The following NTRK3 variants were observed in gnomAD, a reference collection of about 807,000 sequenced individuals.
NTRK3 encodes the protein neurotrophic receptor tyrosine kinase 3, also known as NT-3 growth factor receptor.
In NTRK3, 24 loss-of-function variants were observed where a neutral mutation model predicts 91.7. The ratio of observed to expected loss-of-function variants is 0.26; its 90% CI spans 0.19 to 0.37. The LOEUF (loss-of-function observed/expected upper bound fraction) is 0.37. Ranked by LOEUF, NTRK3 falls within the 10% of genes least tolerant of loss-of-function variation. NTRK3 has a pLI of 1.00. For synonymous variants in NTRK3, 483 were observed against 404.0 expected, an observed-to-expected ratio of 1.20 and a Z score of -2.34; for missense variants, 880 against 1,068.9, an observed-to-expected ratio of 0.82 and a Z score of 2.46.
chr15:88,229,892 CG>C (rs1332552523), intron 3 of NTRK3, among the ~76,000 whole-genome samples: 1 of 152,238 alleles, frequency 6.6e-6, no homozygotes, highest in Non-Finnish European at 1.5e-5. Flanking sequence ...ACATTTGTTC[CG>C]GCTTGGAAAA....
At chr15:88,140,867 A>T (rs1434896719) in intron 6 of NTRK3, among the ~76,000 whole-genome samples, 1 of 152,192 alleles carries the variant, frequency 6.6e-6, no homozygotes, top group East Asian at 1.9e-4. Context: ...GGAGTGGGAA[A>T]AACTGGAGAG....
intron 13 of NTRK3, among the ~76,000 whole-genome samples, chr15:88,095,372 G>A (rs1375890575): frequency 6.6e-6 from 1 of 152,172 alleles, no homozygotes; most frequent in Non-Finnish European, 1.5e-5. Flanking sequence ...TTCTGAACTG[G>A]ATGACCCAAC....
chr15:88,083,813 A>T (rs879910024), intron 13 of NTRK3, among the ~76,000 whole-genome samples: 4 of 152,088 alleles, frequency 2.6e-5, no homozygotes, highest in Non-Finnish European at 5.9e-5. Flanking sequence ...ACAAGAAGGA[A>T]CCTAAGACTT....
intron 12 of NTRK3, among the ~76,000 whole-genome samples, chr15:88,126,844 A>G (rs537403729): frequency 7.2e-4 from 110 of 152,278 alleles, no homozygotes; most frequent in Middle Eastern, 3.4e-3. Context: ...ACACCCAAGG[A>G]GATGCCTTGA....
At chr15:87,861,767 A>T (rs925800013) in exon 19 of NTRK3, 2 of 196,066 alleles carry the variant, frequency 1.0e-5, no homozygotes, top group African/African-American at 2.3e-5. Context: ...AATTTTAGGA[A>T]TTTTTTCAGA....
intron 13 of NTRK3, among the ~76,000 whole-genome samples, chr15:88,040,136 T>A (rs148513883): frequency 6.6e-6 from 1 of 152,248 alleles, no homozygotes; most frequent in Non-Finnish European, 1.5e-5. Context: ...GGTCTTTGAA[T>A]AAATTTTGCT....
intron 17 of NTRK3, among the ~76,000 whole-genome samples, chr15:87,919,341 G>A (rs1205969799): frequency 3.3e-5 from 5 of 152,140 alleles, no homozygotes; most frequent in Non-Finnish European, 7.3e-5. Flanking sequence ...TCAGGCCACT[G>A]CAGGGAGAAT....
chr15:88,119,897 C>T (rs2151050726), intron 13 of NTRK3, among the ~76,000 whole-genome samples: 1 of 152,320 alleles, frequency 6.6e-6, no homozygotes, highest in East Asian at 1.9e-4. Context: ...TGGTCCCAGC[C>T]CCCTTTCAGT....
chr15:87,861,776 GA>G, exon 19 of NTRK3: 1 of 197,262 alleles, frequency 5.1e-6, no homozygotes. Flanking sequence ...AATTTTTTCA[GA>G]AAAAGTACTG....
chr15:88,111,908 G>GT lies in NTRK3; in HGVS notation c.1396+14362dup, dbSNP rs57625455. On this transcript the variant is annotated intron_variant, in intron 13 of 18. Coordinates refer to ENST00000394480, the Ensembl canonical transcript of NTRK3. ...GGTTTCTGGTTTTTTTTTTGTTTTT[G>GT]TTTTTTTTTTTTGAGACAGACAGAG... Among the ~76,000 whole-genome samples, 398 of 134,986 alleles carry GT rather than the reference G, an allele frequency of 2.9e-3. 7 individuals carry two copies. The highest frequency in any genetic ancestry group is 0.017 in the East Asian group (80 of 4,724). 88.6% of individuals were successfully genotyped at this position (134,986 alleles called of 152,430 possible).
intron 7 of NTRK3, among the ~76,000 whole-genome samples, 156 bp from the exon 8 acceptor site, chr15:88,136,765 C>T (rs2041916412): frequency 6.6e-6 from 1 of 152,196 alleles, no homozygotes; most frequent in Admixed American, 6.5e-5. Flanking sequence ...ATCCAAGACG[C>T]TTTACATCAC....
At chr15:88,236,905 G>A (rs1269725700) in intron 3 of NTRK3, among the ~76,000 whole-genome samples, 1 of 152,168 alleles carries the variant, frequency 6.6e-6, no homozygotes, top group East Asian at 1.9e-4. Flanking sequence ...GGAACTTTCT[G>A]GGGGATGGTA....
intron 3 of NTRK3, among the ~76,000 whole-genome samples, chr15:88,218,578 CT>C (rs2049986326): frequency 2.6e-5 from 4 of 152,340 alleles, no homozygotes; most frequent in Non-Finnish European, 5.9e-5. Flanking sequence ...CGTGATGATT[CT>C]GAGTTTTAAC....
exon 19 of NTRK3, chr15:87,875,041 T>C (rs1198204450): frequency 1.3e-5 from 3 of 230,518 alleles, no homozygotes; most frequent in African/African-American, 6.6e-5. Context: ...TAAAAATATT[T>C]GTGGGTCTAC....
At chr15:87,869,432 G>C (rs2064768291) in exon 19 of NTRK3, 1 of 224,074 alleles carries the variant, frequency 4.5e-6, no homozygotes, top group Admixed American at 5.7e-5. Flanking sequence ...ATTACTCCAG[G>C]GCAGGGCTTC....
intron 17 of NTRK3, among the ~76,000 whole-genome samples, chr15:87,897,339 G>A (rs1220369369): frequency 1.3e-5 from 2 of 152,022 alleles, no homozygotes; most frequent in African/African-American, 4.8e-5. Flanking sequence ...ACACCTCATT[G>A]TCCTTTACTG....
intron 14 of NTRK3, among the ~76,000 whole-genome samples, chr15:87,972,736 T>C (rs2073361478): frequency 6.6e-6 from 1 of 152,158 alleles, no homozygotes; most frequent in Non-Finnish European, 1.5e-5. Context: ...AAGGCTCATG[T>C]ATCTTGGTTT....
chr15:87,933,302 A>C, intron 15 of NTRK3, 118 bp from the exon 16 acceptor site: 1 of 966,386 alleles, frequency 1.0e-6, no homozygotes, highest in Non-Finnish European at 1.6e-6. Context: ...ATGAATCTAA[A>C]TGGAATTTAA....
At chr15:88,137,447 A>G in exon 7 of NTRK3, 1 of 1,614,186 alleles carries the variant, frequency 6.2e-7, no homozygotes. Flanking sequence ...GCTGGGAGCC[A>G]TCAGCGTTGA....
Sources: gnomAD v4.1 joint callset for allele counts (sites outside exome capture counted in the v4.1 genomes callset) on GRCh38, gnomAD v4.1.1 for gene constraint, MANE v1.5 for transcripts, NCBI Gene and HGNC (gene_info 2026-07-23, HGNC 2026-07-21) for gene names.